CFAP206: variants seen among roughly 807,000 people sequenced by gnomAD.
CFAP206 encodes the protein cilia- and flagella-associated protein 206.
A neutral mutation model predicts 65.4 loss-of-function variants in CFAP206; 53 were observed. That is an observed-to-expected ratio of 0.81 (90% CI 0.65 to 1.02). CFAP206 has a LOEUF of 1.02. Among genes scored for constraint, CFAP206 ranks in the 50% least tolerant of loss-of-function variants. The pLI is 0.00. For missense variants in CFAP206, 663 were observed against 753.2 expected (o/e 0.88, Z 1.40); for synonymous variants, 250 against 254.4 (o/e 0.98, Z 0.17).
intron 11 of CFAP206, among the ~76,000 whole-genome samples, chr6:87,460,220 T>C (rs1308836189): frequency 6.6e-6 from 1 of 152,224 alleles, no homozygotes; most frequent in African/African-American, 2.4e-5. Flanking sequence ...AGCACCATCA[T>C]GTCTTGTTTA....
intron 11 of CFAP206, among the ~76,000 whole-genome samples, chr6:87,450,714 C>A (rs1424993151): frequency 2.0e-5 from 3 of 152,082 alleles, no homozygotes; most frequent in African/African-American, 7.2e-5. Context: ...AAAGTACCTT[C>A]ATAAAAGAAT....
chr6:87,429,642 A>G (rs1229305887), intron 9 of CFAP206, among the ~76,000 whole-genome samples: 6 of 152,308 alleles, frequency 3.9e-5, no homozygotes, highest in Non-Finnish European at 7.4e-5. Flanking sequence ...AGACCCTTCT[A>G]TCTTAGCTAA....
chr6:87,408,486 TCCGGAGC>T (rs1767667777), intron 1 of CFAP206: 1 of 130,092 alleles, frequency 7.7e-6, no homozygotes, highest in Non-Finnish European at 1.7e-5. Flanking sequence ...CGCACACAGA[TCCGGAGC>T]GCGCACACAG....
chr6:87,413,963 C>T, intron 4 of CFAP206, 63 bp downstream of exon 4: 1 of 754,296 alleles, frequency 1.3e-6, no homozygotes, highest in Non-Finnish European at 2.0e-6. Context: ...CTAAGAAGGG[C>T]TTCATTTGGT....
chr6:87,446,933 G>C (rs1230761986), intron 11 of CFAP206, among the ~76,000 whole-genome samples: 1 of 152,008 alleles, frequency 6.6e-6, no homozygotes, highest in South Asian at 2.1e-4. Context: ...GTATTTCCAG[G>C]TATTTTATTC....
chr6:87,460,965 A>G (rs938754137), intron 11 of CFAP206, 57 bp from the exon 12 acceptor site: 96 of 1,439,868 alleles, frequency 6.7e-5, no homozygotes, highest in Non-Finnish European at 8.7e-5. Flanking sequence ...TATTTTAGTT[A>G]TCAGTAAATA....
At chr6:87,410,333 T>A (rs1018265826) in intron 2 of CFAP206, among the ~76,000 whole-genome samples, 2 of 152,210 alleles carry the variant, frequency 1.3e-5, no homozygotes, top group Non-Finnish European at 2.9e-5. Flanking sequence ...AACCTAGCCA[T>A]TGCTTTCAAC....
chr6:87,457,483 G>A (rs1768668039), intron 11 of CFAP206, among the ~76,000 whole-genome samples: 1 of 152,068 alleles, frequency 6.6e-6, no homozygotes, highest in Admixed American at 6.6e-5. Context: ...TAGACCAATG[G>A]AACAGAATAG....
intron 11 of CFAP206, among the ~76,000 whole-genome samples, chr6:87,452,070 G>A (rs1395689117): frequency 6.6e-6 from 1 of 152,106 alleles, no homozygotes; most frequent in Non-Finnish European, 1.5e-5. Flanking sequence ...GGTGTACAAG[G>A]GGGTGCTTGC....
At chr6:87,444,328 T>C (rs900503920) in intron 11 of CFAP206, 8 of 216,698 alleles carry the variant, frequency 3.7e-5, no homozygotes, top group Non-Finnish European at 6.8e-5. Flanking sequence ...GTTTGTATTG[T>C]TGCAACATGC....
chr6:87,431,602 C>T (rs1017972297), intron 10 of CFAP206, among the ~76,000 whole-genome samples: 1 of 152,040 alleles, frequency 6.6e-6, no homozygotes, highest in Non-Finnish European at 1.5e-5. Flanking sequence ...CCTGTCTTTA[C>T]TAAAAATACA....
intron 10 of CFAP206, 113 bp downstream of exon 10, chr6:87,431,286 A>G (rs1582140828): frequency 1.0e-6 from 1 of 1,002,072 alleles, no homozygotes; most frequent in East Asian, 2.5e-5. Context: ...CTAATGGTGA[A>G]CTAACAAAGG....
intron 11 of CFAP206, among the ~76,000 whole-genome samples, chr6:87,448,947 G>A (rs1768493769): frequency 1.3e-5 from 2 of 152,078 alleles, no homozygotes; most frequent in Admixed American, 1.3e-4. Flanking sequence ...ACTATTGTGA[G>A]TAGTACTGTG....
At chr6:87,450,384 A>G (rs908696465) in intron 11 of CFAP206, among the ~76,000 whole-genome samples, 7 of 151,572 alleles carry the variant, frequency 4.6e-5, no homozygotes, top group Non-Finnish European at 7.4e-5. Flanking sequence ...ATTGCGTTGA[A>G]TTTGTGGATC....
chr6:87,414,714 C>T (rs972086714), intron 4 of CFAP206, among the ~76,000 whole-genome samples: 2 of 152,168 alleles, frequency 1.3e-5, no homozygotes, highest in Admixed American at 6.5e-5. Context: ...AAGTCTATTT[C>T]TCTATGGACT....
chr6:87,451,876 G>GAAA (rs57932058), intron 11 of CFAP206, among the ~76,000 whole-genome samples: 54 of 139,332 alleles, frequency 3.9e-4, no homozygotes, highest in Admixed American at 7.1e-4. Flanking sequence ...CATCTCAAAA[G>GAAA]AAAAAAAAAA....
At chr6:87,463,587 T>C (rs189513284) in intron 12 of CFAP206, among the ~76,000 whole-genome samples, 113 of 152,318 alleles carry the variant, frequency 7.4e-4, no homozygotes, top group African/African-American at 2.5e-3. Flanking sequence ...ATGGAAAGCA[T>C]CAGACTCTTT....
At position 87,463,993 on chromosome 6, in the gene CFAP206, T is replaced by C. The variant is rs544710289; in HGVS notation, c.1639-27T>C. 6 of 1,545,342 alleles carry C rather than the reference T, an allele frequency of 3.9e-6. No individual in the cohort carries two copies. The South Asian group carries it at 6.9e-5, about 18-fold the overall frequency. ...TGTTATTTGTTCTTTAGAGAAATGT[T>C]AATTCCTGTATTCTCTTTCTCTTTA... On this transcript the variant is annotated intron_variant, in intron 12 of 12. Transcript: ENST00000369562.
chr6:87,411,711 G>A (rs1402637977), intron 3 of CFAP206, among the ~76,000 whole-genome samples: 1 of 152,002 alleles, frequency 6.6e-6, no homozygotes, highest in Non-Finnish European at 1.5e-5. Flanking sequence ...CATTGGGATG[G>A]GTTTCATTCT....
Sources: allele counts gnomAD v4.1 joint callset (sites outside exome capture counted in the v4.1 genomes callset), GRCh38; gene constraint gnomAD v4.1.1; transcripts MANE v1.5; gene names NCBI Gene and HGNC (gene_info 2026-07-23, HGNC 2026-07-21).